The following SGCD variants were observed in gnomAD, a reference collection of about 807,000 sequenced individuals.
SGCD encodes delta-sarcoglycan.
SGCD carries 18 observed loss-of-function variants against 36.6 expected under a neutral mutation model. That is an observed-to-expected ratio of 0.49 (90% CI 0.34 to 0.73). SGCD has a LOEUF of 0.73. Among genes scored for constraint, SGCD ranks in the 30% least tolerant of loss-of-function variants. The pLI is 0.01. For missense variants in SGCD, 387 were observed against 346.7 expected (o/e 1.12, Z -0.92); for synonymous variants, 133 against 130.6 (o/e 1.02, Z -0.12).
rs188938327 is a variant in SGCD at position 156,056,452 on chromosome 5, A to T, written c.-281-61426A>T. 1.6e-4 allele frequency among the ~76,000 whole-genome samples: 23 copies of T among 144,486 alleles called. 3 individuals carry two copies. Among genetic ancestry groups the T allele is most frequent in the Admixed American group, 1.4e-3 (20 of 14,370 alleles). The allele number at this position is 144,486 out of a possible 152,430, so 94.8% of individuals were successfully genotyped here. A position where few individuals can be genotyped will look rare whatever the true frequency, so the allele number is the denominator to read the frequency against. ...GTAGGACCTAATATCAGTGCTCAAG[A>T]TATTTTTCAGACCCCGAATTCTGAT... On this transcript the variant is annotated intron_variant, in intron 1 of 9. Transcript: ENST00000517913.
chr5:155,862,168 C>T, the SGCD span, among the ~76,000 whole-genome samples: 3 of 151,950 alleles, frequency 2.0e-5, no homozygotes, highest in Non-Finnish European at 2.9e-5. Context: ...GTGTTTTCAC[C>T]CTATGTAAGC....
intron 2 of SGCD, among the ~76,000 whole-genome samples, chr5:156,122,310 C>G (rs1762062163): frequency 6.6e-6 from 1 of 152,138 alleles, no homozygotes; most frequent in South Asian, 2.1e-4. Flanking sequence ...TTCTTGCATG[C>G]ATGGAGTTTA....
At chr5:156,090,315 C>G (rs1274390827) in intron 1 of SGCD, among the ~76,000 whole-genome samples, 1 of 152,132 alleles carries the variant, frequency 6.6e-6, no homozygotes, top group South Asian at 2.1e-4. Flanking sequence ...TCTATTTTCC[C>G]TAAGTGTCAG....
At chr5:155,826,046 G>A in the SGCD span, among the ~76,000 whole-genome samples, 1 of 152,142 alleles carries the variant, frequency 6.6e-6, no homozygotes, top group Non-Finnish European at 1.5e-5. Context: ...CACCATACTC[G>A]GCCTAGTTGA....
At chr5:156,502,060 T>A (rs1172174588) in intron 3 of SGCD, among the ~76,000 whole-genome samples, 1 of 151,058 alleles carries the variant, frequency 6.6e-6, no homozygotes. Flanking sequence ...TTTTGTTTGG[T>A]TTTTGGGACG....
chr5:156,636,152 G>T (rs773922003), intron 6 of SGCD, among the ~76,000 whole-genome samples: 3 of 152,144 alleles, frequency 2.0e-5, no homozygotes, highest in African/African-American at 7.2e-5. Flanking sequence ...CTAAACTGGA[G>T]TGATTACAGG....
intron 7 of SGCD, among the ~76,000 whole-genome samples, chr5:156,730,547 G>T (rs911328103): frequency 3.9e-5 from 6 of 152,098 alleles, no homozygotes; most frequent in African/African-American, 7.2e-5. Context: ...TCCTGCAAAG[G>T]ATATGATTTC....
the SGCD span, among the ~76,000 whole-genome samples, chr5:155,759,627 A>G: frequency 6.6e-6 from 1 of 152,188 alleles, no homozygotes; most frequent in Non-Finnish European, 1.5e-5. Context: ...TTGAATCCAT[A>G]AGTCAGCAGT....
the SGCD span, among the ~76,000 whole-genome samples, chr5:155,732,716 G>A: frequency 1.3e-5 from 2 of 152,160 alleles, no homozygotes; most frequent in Non-Finnish European, 2.9e-5. Context: ...AAACCTTGGG[G>A]CAGAGAGGCC....
chr5:156,028,201 G>A (rs898520427), intron 1 of SGCD, among the ~76,000 whole-genome samples: 2 of 152,144 alleles, frequency 1.3e-5, no homozygotes, highest in Non-Finnish European at 2.9e-5. Context: ...GACTATCATT[G>A]TTAGTCATAA....
chr5:155,921,207 G>C (rs534580080), intron 1 of SGCD, among the ~76,000 whole-genome samples: 1 of 152,154 alleles, frequency 6.6e-6, no homozygotes, highest in Non-Finnish European at 1.5e-5. Context: ...AGGTGGATTA[G>C]TTGAAATTTG....
At chr5:156,318,078 TC>T (rs1362180269) in intron 3 of SGCD, among the ~76,000 whole-genome samples, 2 of 152,186 alleles carry the variant, frequency 1.3e-5, no homozygotes, top group East Asian at 3.9e-4. Context: ...GAAAGCTGAT[TC>T]TATCAACTCA....
At chr5:156,612,036 C>T (rs1761833935) in intron 6 of SGCD, among the ~76,000 whole-genome samples, 1 of 152,142 alleles carries the variant, frequency 6.6e-6, no homozygotes, top group Non-Finnish European at 1.5e-5. Flanking sequence ...TTCCTAAGCT[C>T]ATGATTTTGA....
intron 1 of SGCD, among the ~76,000 whole-genome samples, chr5:156,019,796 T>C (rs1759059176): frequency 6.6e-6 from 1 of 152,188 alleles, no homozygotes; most frequent in Admixed American, 6.5e-5. Context: ...TGTGCGGTAG[T>C]GATCGTATTA....
At chr5:156,280,125 A>G (rs1414038930) in intron 3 of SGCD, among the ~76,000 whole-genome samples, 1 of 152,088 alleles carries the variant, frequency 6.6e-6, no homozygotes, top group Non-Finnish European at 1.5e-5. Flanking sequence ...ATATGTGCCA[A>G]TTTCAACAGT....
chr5:156,434,394 A>G (rs1290739917), intron 3 of SGCD, among the ~76,000 whole-genome samples: 4 of 152,212 alleles, frequency 2.6e-5, no homozygotes, highest in African/African-American at 7.2e-5. Flanking sequence ...TAATTCAATG[A>G]TGGTGAGGCT....
Position 156,088,481 on chromosome 5 carries a change from A to G in SGCD, c.-281-29397A>G, listed in dbSNP as rs549042543. On this transcript the variant is annotated intron_variant, in intron 1 of 9. Coordinates refer to the SGCD transcript ENST00000517913. ...GTGTAGGTGATACCCAGCAGGGCAGAGAAATAAGGGTTTGTTTGTTTGTTT... is the reference window on the plus strand; with the variant it reads ...GTGTAGGTGATACCCAGCAGGGCAGGGAAATAAGGGTTTGTTTGTTTGTTT... Among the ~76,000 whole-genome samples the G allele has an allele frequency of 9.5e-5, 14 of 147,942 alleles. No individual in the cohort carries two copies. The East Asian group carries it at 2.7e-3, about 29-fold the overall frequency.
intron 3 of SGCD, among the ~76,000 whole-genome samples, chr5:156,199,438 C>T (rs900641009): frequency 5.9e-5 from 9 of 152,148 alleles, no homozygotes; most frequent in African/African-American, 2.2e-4. Context: ...GTGCCCTACA[C>T]ATACTTGCCT....
chr5:156,739,071 GGGGAAA>G (rs1344295246), intron 7 of SGCD, among the ~76,000 whole-genome samples: 2 of 152,110 alleles, frequency 1.3e-5, no homozygotes, highest in African/African-American at 4.8e-5. Flanking sequence ...ATATTAAGAG[GGGGAAA>G]CATCTAAAAG....
Sources: gnomAD v4.1 joint callset for allele counts (sites outside exome capture counted in the v4.1 genomes callset) on GRCh38, gnomAD v4.1.1 for gene constraint, MANE v1.5 for transcripts, NCBI Gene and HGNC (gene_info 2026-07-23, HGNC 2026-07-21) for gene names.